CDIPT: variants seen among roughly 807,000 people sequenced by gnomAD.
CDIPT encodes the protein PI synthase.
Under a neutral mutation model 21.6 loss-of-function variants are expected in CDIPT, and 17 were observed. That is an observed-to-expected ratio of 0.79 (90% confidence interval 0.54 to 1.18). The LOEUF (loss-of-function observed/expected upper bound fraction) is 1.18. Among genes scored for constraint, CDIPT ranks in the 50% most tolerant of loss-of-function variants. The pLI, the probability that CDIPT is intolerant of heterozygous loss-of-function variation, is 0.00. For synonymous variants in CDIPT, 119 were observed against 117.9 expected (o/e 1.01, Z -0.06); for missense variants, 254 against 284.9 (o/e 0.89, Z 0.78).
chr16:29,863,192 G>A lies in CDIPT; in HGVS notation c.-335C>T, dbSNP rs1402900041. The A allele has an allele frequency of 7.6e-6, 3 of 395,790 alleles. No homozygotes were observed. The highest frequency in any genetic ancestry group is 6.5e-5 in the African/African-American group (3 of 45,828). 24.5% of individuals were successfully genotyped at this position (395,790 alleles called of 1,614,324 possible). On this transcript the variant is annotated 5_prime_UTR_variant, in exon 1 of 6. It adds an upstream start codon to the 5' untranslated region. Coordinates refer to ENST00000219789, the MANE Select transcript of CDIPT (RefSeq NM_006319.5). ...TCCGGGAACCTCCTCCTCCGCGCCCGTCGTTGCAAAATTGGAGAGAGGAAA... is the reference window on the plus strand; with the variant it reads ...TCCGGGAACCTCCTCCTCCGCGCCCATCGTTGCAAAATTGGAGAGAGGAAA...
In CDIPT at chr16:29,859,249, C is replaced by A; in HGVS notation, c.582G>T (p.Leu194=). ...CAGCCATGTTGCGGGCGGCCGTGAT[C>A]AGGTGGATGACGCTGATGAGCGACT... is the stretch of plus-strand genomic sequence containing the variant. ...LLKSLISVIH[L]ITAARNMAAL... is the part of the protein sequence containing the mutation. The change falls in exon 6 of 6, where the codon CTG becomes CTT. Residue 194 remains leucine, a synonymous_variant. Transcript: ENST00000219789. The surrounding 1 kb of genome is among the most constrained non-coding windows in gnomAD (Gnocchi z 4.5). 1 of 1,594,278 alleles carries A rather than the reference C, an allele frequency of 6.3e-7. No individual in the cohort carries two copies. The highest frequency in any genetic ancestry group is 8.5e-7 in the Non-Finnish European group (1 of 1,171,150).
rs1223908558 is a variant in CDIPT, at chr16:29,860,705, T to C, written c.333-43A>G. ...GGAACCCACAAGGTTTCATGACCACTACCATGCATCCAATCCTCATGTTAA... is the reference window on the plus strand; with the variant it reads ...GGAACCCACAAGGTTTCATGACCACCACCATGCATCCAATCCTCATGTTAA... On this transcript the variant is annotated intron_variant, in intron 3 of 5. Transcript: ENST00000219789. The C allele has an allele frequency of 2.7e-6, 3 of 1,112,358 alleles. No individual in the cohort carries two copies. In the Admixed American group the frequency reaches 5.4e-5, roughly 20 times the overall value. The allele number at this position is 1,112,358 out of a possible 1,614,324, so 68.9% of individuals were successfully genotyped here.
Position 29,859,406 on chromosome 16 carries a change from C to A in CDIPT, c.496+36G>T. The A allele has an allele frequency of 6.2e-7, 1 of 1,600,824 alleles. No individual in the cohort carries two copies. On this transcript the variant is annotated intron_variant, in intron 5 of 5. Coordinates refer to ENST00000219789, the MANE Select transcript of CDIPT (RefSeq NM_006319.5). The surrounding 1 kb of genome is among the most constrained non-coding windows in gnomAD (Gnocchi z 4.5). ...CCATCTCCCTGGGCAGGCCAGATCC[C>A]CCTCCCATCCTCCTGCCCAGCCCCT...
chr16:29,863,048 G>A lies in CDIPT; in HGVS notation c.-191C>T, dbSNP rs565809738. Reference sequence around the variant, plus strand: ...AGCATGGACCGGCCCCGAGGTGCGCGGGACGCAGGGGGCGCGCGCAGTCCG... The same window carrying A: ...AGCATGGACCGGCCCCGAGGTGCGCAGGACGCAGGGGGCGCGCGCAGTCCG... On this transcript the variant is annotated 5_prime_UTR_variant, in exon 1 of 6. Transcript: ENST00000219789. 1.1e-5 allele frequency: 7 copies of A among 657,834 alleles called. No homozygotes were observed. The East Asian group carries it at 2.0e-4, about 18-fold the overall frequency. The allele number at this position is 657,834 out of a possible 1,614,324, so 40.7% of individuals were successfully genotyped here.
chr16:29,860,195 C>T (rs1596941135), intron 4 of CDIPT, among the ~76,000 whole-genome samples: 1 of 152,186 alleles, frequency 6.6e-6, no homozygotes, highest in African/African-American at 2.4e-5. Flanking sequence ...AAGCAATCCT[C>T]CCACCTCAGC....
Position 29,859,581 on chromosome 16 carries a change from C to A in CDIPT, c.415-58G>T, listed in dbSNP as rs530047011. 2 of 1,097,674 alleles carry A rather than the reference C, an allele frequency of 1.8e-6. No homozygotes were observed. Among genetic ancestry groups the A allele is most frequent in the Non-Finnish European group, 2.8e-6 (2 of 718,308 alleles). 68.0% of individuals were successfully genotyped at this position (1,097,674 alleles called of 1,614,324 possible). On this transcript the variant is annotated intron_variant, in intron 4 of 5. Transcript: ENST00000219789. The surrounding 1 kb of genome is among the most constrained non-coding windows in gnomAD (Gnocchi z 4.5). ...GAGGCAGGCGTGTGCCACCCCCTGC[C>A]CCCCCAGCACTAATGAAGGCACAAT...
Position 29,859,596 on chromosome 16 carries a change from G to A in CDIPT, c.415-73C>T. ...CACCCCCTGCCCCCCCAGCACTAAT[G>A]AAGGCACAATCTCGGCATATTACTT... On this transcript the variant is annotated intron_variant, in intron 4 of 5. Coordinates refer to ENST00000219789, the MANE Select transcript of CDIPT (RefSeq NM_006319.5). This position sits in a 1 kb window ranked among gnomAD's most constrained non-coding sequence, Gnocchi z 4.5. 1.1e-6 allele frequency: 1 copy of A among 937,414 alleles called. No individual in the cohort carries two copies. The highest frequency in any genetic ancestry group is 1.7e-6 in the Non-Finnish European group (1 of 577,934). 58.1% of individuals were successfully genotyped at this position (937,414 alleles called of 1,614,324 possible). A position where few individuals can be genotyped will look rare whatever the true frequency, so the allele number is the denominator to read the frequency against.
In CDIPT at chr16:29,859,023, T is replaced by G. The variant is rs933393055; in HGVS notation, c.*166A>C. ...TGATTTGAGGCCCGGGTCCTCAGGA[T>G]CCCAGAGAACGTGACGTCACCAAAG... On this transcript the variant is annotated 3_prime_UTR_variant, in exon 6 of 6. Coordinates refer to ENST00000219789, the MANE Select transcript of CDIPT (RefSeq NM_006319.5). The surrounding 1 kb of genome is among the most constrained non-coding windows in gnomAD (Gnocchi z 4.5). The G allele has an allele frequency of 1.4e-6, 1 of 734,654 alleles. No homozygotes were observed. Among genetic ancestry groups the G allele is most frequent in the Non-Finnish European group, 2.2e-6 (1 of 461,740 alleles). The allele number at this position is 734,654 out of a possible 1,614,324, so 45.5% of individuals were successfully genotyped here.
rs955216330 is a variant in CDIPT at position 29,859,658 on chromosome 16, G to C, written c.415-135C>G. 1 of 656,788 alleles carries C rather than the reference G, an allele frequency of 1.5e-6. No individual in the cohort carries two copies. The allele number at this position is 656,788 out of a possible 1,614,324, so 40.7% of individuals were successfully genotyped here. On this transcript the variant is annotated intron_variant, in intron 4 of 5. Coordinates refer to ENST00000219789, the MANE Select transcript of CDIPT (RefSeq NM_006319.5). This position sits in a 1 kb window ranked among gnomAD's most constrained non-coding sequence, Gnocchi z 4.5. ...TTTTCTTTTTTACAGACAGGGTCTC[G>C]CTCTCTCATCCAGGTTGGAATGCAG...
In CDIPT at chr16:29,859,410, C is replaced by A; in HGVS notation, c.496+32G>T. 6.2e-7 allele frequency: 1 copy of A among 1,602,456 alleles called. No homozygotes were observed. Among genetic ancestry groups the A allele is most frequent in the South Asian group, 1.1e-5 (1 of 89,994 alleles). ...CTCCCTGGGCAGGCCAGATCCCCCT[C>A]CCATCCTCCTGCCCAGCCCCTCATC... is the stretch of plus-strand genomic sequence containing the variant. On this transcript the variant is annotated intron_variant, in intron 5 of 5. Transcript: ENST00000219789. The surrounding 1 kb of genome is among the most constrained non-coding windows in gnomAD (Gnocchi z 4.5).
In CDIPT at chr16:29,860,590, G is replaced by A. The variant is rs769312392; in HGVS notation, c.405C>T (p.Tyr135=). The change falls in exon 4 of 6, where the codon TAC becomes TAT. Residue 135 remains tyrosine (Y), a synonymous_variant. Coordinates refer to ENST00000219789, the MANE Select transcript of CDIPT (RefSeq NM_006319.5). The part of the protein sequence containing the change: ...LSGNPVLRIY[Y]TSRPALFTLC... ...TGCAGGAAATGCTTACCCTCGAGGT[G>A]TAGTAGATCCGAAGCACCGGATTCC... is the stretch of plus-strand genomic sequence containing the variant. 3 of 1,606,314 alleles carry A rather than the reference G, an allele frequency of 1.9e-6. No homozygotes were observed. The highest frequency in any genetic ancestry group is 4.5e-5 in the East Asian group (2 of 44,822).
chr16:29,862,928 C>T lies in CDIPT; in HGVS notation c.-71G>A, dbSNP rs770566455. On this transcript the variant is annotated 5_prime_UTR_variant, in exon 1 of 6. Coordinates refer to ENST00000219789, the MANE Select transcript of CDIPT (RefSeq NM_006319.5). This position sits in a 1 kb window ranked among gnomAD's most constrained non-coding sequence, Gnocchi z 6.7. ...TGCTGTCCCAGCCCCGCAGCGCGGC[C>T]TCAGCCTCCGGCCCGGCGCATCGGC... is the stretch of plus-strand genomic sequence containing the variant. 2 of 1,575,998 alleles carry T rather than the reference C, an allele frequency of 1.3e-6. No homozygotes were observed. Among genetic ancestry groups the T allele is most frequent in the East Asian group, 2.2e-5 (1 of 44,546 alleles).
In CDIPT at chr16:29,861,254, G is replaced by A. The variant is rs150782987; in HGVS notation, c.184C>T (p.Arg62Trp). Residue 62 changes from arginine to tryptophan, a missense_variant, in exon 3 of 6, where the codon CGG becomes TGG. Transcript: ENST00000219789. Reference sequence around the variant, plus strand: ...AGCATGTCCAGCATGGCCCCAAACCGGGTTCCTGGAAGATTAGGTGGGCAA... The same window carrying A: ...AGCATGTCCAGCATGGCCCCAAACCAGGTTCCTGGAAGATTAGGTGGGCAA... ...HAARALNQGT[R>W]FGAMLDMLTD... 6 of 1,614,184 alleles carry A rather than the reference G, an allele frequency of 3.7e-6. No individual in the cohort carries two copies. In the East Asian group the frequency reaches 8.9e-5, roughly 24 times the overall value.
chr16:29,861,012 T>C (rs1271309178), intron 3 of CDIPT, 94 bp downstream of exon 3: 3 of 1,269,132 alleles, frequency 2.4e-6, no homozygotes, highest in East Asian at 4.7e-5. Flanking sequence ...CCTTCCAGGA[T>C]GCCTAGTGCC....
chr16:29,862,834 C>G lies in CDIPT; in HGVS notation c.24G>C (p.Leu8=), dbSNP rs921558097. The change falls in exon 1 of 6, where the codon CTG becomes CTC. Residue 8 remains leucine, a synonymous_variant. Transcript: ENST00000219789. The surrounding 1 kb of genome is among the most constrained non-coding windows in gnomAD (Gnocchi z 6.7). ...ACTCACCGATGAGGTTGGGCACGAACAGGAAGATATTTTCGTCTGGCATCG... is the reference window on the plus strand; with the variant it reads ...ACTCACCGATGAGGTTGGGCACGAAGAGGAAGATATTTTCGTCTGGCATCG... MPDENIF[L]FVPNLIGYAR... is the part of the protein sequence containing the mutation. 5 of 1,614,034 alleles carry G rather than the reference C, an allele frequency of 3.1e-6. No individual in the cohort carries two copies. Among genetic ancestry groups the G allele is most frequent in the Non-Finnish European group, 4.2e-6 (5 of 1,180,000 alleles).
chr16:29,859,508 A>G lies in CDIPT; in HGVS notation c.430T>C (p.Leu144=), dbSNP rs771336220. The G allele has an allele frequency of 6.2e-7, 1 of 1,612,990 alleles. No homozygotes were observed. The highest frequency in any genetic ancestry group is 1.7e-5 in the Admixed American group (1 of 59,894). The change falls in exon 5 of 6, where the codon TTG becomes CTG. Residue 144 remains leucine (L), a synonymous_variant. Coordinates refer to ENST00000219789, the MANE Select transcript of CDIPT (RefSeq NM_006319.5). The surrounding 1 kb of genome is among the most constrained non-coding windows in gnomAD (Gnocchi z 4.5). ...TAGAAGAGCTCATTCCCAGCACACA[A>G]GGTGAACAGAGCAGGCTGCACACAC... ...YYTSRPALFT[L]CAGNELFYCL...
intron 3 of CDIPT, 183 bp from the exon 4 acceptor site, chr16:29,860,845 C>A: frequency 1.6e-6 from 1 of 625,882 alleles, no homozygotes; most frequent in Non-Finnish European, 2.9e-6. Flanking sequence ...TGAAAGCTCC[C>A]ATGCCCCTTC....
chr16:29,860,924 A>G (rs2067675124), intron 3 of CDIPT, 182 bp downstream of exon 3: 4 of 641,002 alleles, frequency 6.2e-6, no homozygotes, highest in Non-Finnish European at 1.1e-5. Flanking sequence ...TGCTTAATGC[A>G]ACTGTAAACA....
chr16:29,863,068 AG>A lies in CDIPT; in HGVS notation c.-212del, dbSNP rs565781160. 138 of 607,460 alleles carry A rather than the reference AG, an allele frequency of 2.3e-4. 5 individuals carry two copies. The South Asian group carries it at 2.5e-3, about 11-fold the overall frequency. The allele number at this position is 607,460 out of a possible 1,614,324, so 37.6% of individuals were successfully genotyped here. A position where few individuals can be genotyped will look rare whatever the true frequency, so the allele number is the denominator to read the frequency against. On this transcript the variant is annotated 5_prime_UTR_variant, in exon 1 of 6. It adds an upstream start codon to the 5' untranslated region. Transcript: ENST00000219789. Reference sequence around the variant, plus strand: ...TGCGCGGGACGCAGGGGGCGCGCGCAGTCCGCCCTTCCTACCCGCAACCTCC... The same window carrying A: ...TGCGCGGGACGCAGGGGGCGCGCGCATCCGCCCTTCCTACCCGCAACCTCC...
Sources: gnomAD v4.1 joint callset for allele counts (sites outside exome capture counted in the v4.1 genomes callset) on GRCh38, gnomAD v4.1.1 for gene constraint, Gnocchi (gnomAD v3.1) non-coding constraint, MANE v1.5 for transcripts, NCBI Gene and HGNC (gene_info 2026-07-23, HGNC 2026-07-21) for gene names.